AKAP7: variants seen among roughly 807,000 people sequenced by gnomAD.
AKAP7 encodes A kinase (PRKA) anchor protein 7.
AKAP7 carries 39 observed loss-of-function variants against 39.5 expected under a neutral mutation model. The observed-to-expected ratio is 0.99, with a 90% CI of 0.76 to 1.29. The LOEUF is 1.29. Ranked by LOEUF, AKAP7 falls within the 50% of genes most tolerant of loss-of-function variation. The pLI is 0.00. For synonymous variants in AKAP7, 140 were observed against 139.1 expected (o/e 1.01, Z -0.05); for missense variants, 414 against 407.7 (o/e 1.02, Z -0.13).
In AKAP7 at chr6:131,165,237, T is replaced by G. The variant is rs1419884802; in HGVS notation, c.428+20T>G. The G allele has an allele frequency of 1.3e-6, 2 of 1,568,320 alleles. No homozygotes were observed. The highest frequency in any genetic ancestry group is 1.2e-5 in the South Asian group (1 of 84,580). ...AAACATGTGAGTAATGTATCTTTCT[T>G]AAATATAATTTTCCAAATTATTACT... On this transcript the variant is annotated intron_variant, in intron 4 of 7. Coordinates refer to ENST00000431975, the MANE Select transcript of AKAP7 (RefSeq NM_016377.4).
chr6:131,188,237 C>CGT (rs1554208106), intron 5 of AKAP7, among the ~76,000 whole-genome samples: 1 of 151,952 alleles, frequency 6.6e-6, no homozygotes, highest in Non-Finnish European at 1.5e-5. Flanking sequence ...TATATTGAAA[C>CGT]ATAGTTCAAG....
At position 131,209,293 on chromosome 6, in the gene AKAP7, C is replaced by T. The variant is rs149300537; in HGVS notation, c.702+9720C>T. ...TGAGATGGAGTCTCGCTCTGACTCC[C>T]AGGCTGGAGTGCAGTGGTGCGATCT... On this transcript the variant is annotated intron_variant, in intron 6 of 7. Transcript: ENST00000431975. Among the ~76,000 whole-genome samples the T allele has an allele frequency of 1.7e-4, 26 of 152,196 alleles. No individual in the cohort carries two copies. In the East Asian group the frequency reaches 5.0e-3, roughly 29 times the overall value.
At chr6:131,156,966 G>C (rs747735080) in intron 2 of AKAP7, among the ~76,000 whole-genome samples, 1 of 151,900 alleles carries the variant, frequency 6.6e-6, no homozygotes, top group Non-Finnish European at 1.5e-5. Flanking sequence ...TAGTAGAGAC[G>C]GGGTTTCACC....
intron 1 of AKAP7, among the ~76,000 whole-genome samples, chr6:131,138,499 G>A (rs1179640228): frequency 6.6e-6 from 1 of 152,212 alleles, no homozygotes; most frequent in Admixed American, 6.5e-5. Context: ...GAGCATGGAT[G>A]ATAGATAACC....
chr6:131,222,451 C>G lies in AKAP7; in HGVS notation c.850+2643C>G, dbSNP rs1210667078. Among the ~76,000 whole-genome samples the G allele has an allele frequency of 2.0e-5, 3 of 151,790 alleles. No individual in the cohort carries two copies. The East Asian group carries it at 5.8e-4, about 29-fold the overall frequency. On this transcript the variant is annotated intron_variant, in intron 7 of 7. Transcript: ENST00000431975. Reference sequence around the variant, plus strand: ...CTGAGGCAGGAGAATGGTGTGAATCCAGGAGGCGGAGCTTGCAGTGAGCCG... The same window carrying G: ...CTGAGGCAGGAGAATGGTGTGAATCGAGGAGGCGGAGCTTGCAGTGAGCCG...
intron 5 of AKAP7, among the ~76,000 whole-genome samples, chr6:131,177,056 ATCTC>A (rs989502001): frequency 2.6e-5 from 4 of 151,768 alleles, no homozygotes; most frequent in Admixed American, 6.6e-5. Flanking sequence ...CTCCTTTCTC[ATCTC>A]TCTCTTAATC....
At chr6:131,173,660 C>G (rs1051494273) in intron 5 of AKAP7, among the ~76,000 whole-genome samples, 1 of 152,186 alleles carries the variant, frequency 6.6e-6, no homozygotes, top group Non-Finnish European at 1.5e-5. Context: ...GGCAAATCAT[C>G]TGGGACCAAT....
chr6:131,152,102 C>A (rs1409543448), intron 2 of AKAP7, among the ~76,000 whole-genome samples: 2 of 152,202 alleles, frequency 1.3e-5, no homozygotes, highest in African/African-American at 4.8e-5. Flanking sequence ...AGACCAGATT[C>A]ATTACTACAC....
chr6:131,196,664 GT>G (rs1365793848), intron 5 of AKAP7, among the ~76,000 whole-genome samples: 42 of 152,110 alleles, frequency 2.8e-4, no homozygotes, highest in African/African-American at 9.9e-4. Context: ...CTATGTTCCA[GT>G]TTTCTTGTCT....
Position 131,282,764 on chromosome 6 carries a change from G to T in AKAP7, c.*1038G>T. The T allele has an allele frequency of 1.9e-6, 1 of 536,286 alleles. No individual in the cohort carries two copies. The highest frequency in any genetic ancestry group is 3.1e-6 in the Non-Finnish European group (1 of 318,474). 33.2% of individuals were successfully genotyped at this position (536,286 alleles called of 1,614,324 possible). On this transcript the variant is annotated 3_prime_UTR_variant, in exon 8 of 8. Coordinates refer to ENST00000431975, the MANE Select transcript of AKAP7 (RefSeq NM_016377.4). ...TTTCTTGCCAAAGAAAATTGATTCT[G>T]CCCAATTATTTTTTGAGCTACACTT...
At chr6:131,238,021 C>A (rs1811219221) in intron 7 of AKAP7, among the ~76,000 whole-genome samples, 1 of 152,086 alleles carries the variant, frequency 6.6e-6, no homozygotes, top group Admixed American at 6.6e-5. Context: ...TAGATCTTTC[C>A]TACTTTCTCT....
chr6:131,208,958 G>T (rs979999623), intron 6 of AKAP7, among the ~76,000 whole-genome samples: 1 of 152,172 alleles, frequency 6.6e-6, no homozygotes, highest in Admixed American at 6.5e-5. Context: ...AAGTCACATG[G>T]TTCCTTCTGA....
chr6:131,146,649 A>G (rs1428184166), intron 2 of AKAP7, among the ~76,000 whole-genome samples: 1 of 152,210 alleles, frequency 6.6e-6, no homozygotes, highest in Non-Finnish European at 1.5e-5. Flanking sequence ...AACTGTTTGC[A>G]ACCTTACGTA....
intron 7 of AKAP7, among the ~76,000 whole-genome samples, chr6:131,247,286 T>C (rs1215783039): frequency 1.6e-5 from 1 of 62,422 alleles, no homozygotes; most frequent in African/African-American, 6.3e-5. Flanking sequence ...TATATATATA[T>C]ATATATATAT....
intron 7 of AKAP7, among the ~76,000 whole-genome samples, chr6:131,245,439 GT>G (rs889567020): frequency 2.3e-4 from 33 of 141,702 alleles, no homozygotes; most frequent in African/African-American, 2.3e-4. Context: ...TTTGTTTTTG[GT>G]TTTTTTTTTT....
At position 131,193,322 on chromosome 6, in the gene AKAP7, A is replaced by G. The variant is rs144133806; in HGVS notation, c.590-6139A>G. Among the ~76,000 whole-genome samples, 8 of 152,310 alleles carry G rather than the reference A, an allele frequency of 5.3e-5. No homozygotes were observed. The East Asian group carries it at 1.2e-3, about 22-fold the overall frequency. ...GTTATCAGATGCTTTTTCAGAATCA[A>G]TTGAAATGATCATATGGTTTTTGTT... On this transcript the variant is annotated intron_variant, in intron 5 of 7. Transcript: ENST00000431975.
rs1813206937 is a variant in AKAP7 at position 131,260,275 on chromosome 6, G to GTATC, written c.851-21253_851-21250dup. On this transcript the variant is annotated intron_variant, in intron 7 of 7. Transcript: ENST00000431975. The stretch of plus-strand genomic sequence containing the variant: ...TGCTGCAATAAACATACGTGTGCGT[G>GTATC]TATCTTTATAATAGAATGATTTATA... Among the ~76,000 whole-genome samples the GTATC allele has an allele frequency of 2.0e-5, 3 of 152,152 alleles. No homozygotes were observed. In the South Asian group the frequency reaches 6.2e-4, roughly 32 times the overall value.
intron 7 of AKAP7, among the ~76,000 whole-genome samples, chr6:131,272,375 A>G (rs1222287956): frequency 1.3e-5 from 2 of 151,578 alleles, no homozygotes; most frequent in East Asian, 3.9e-4. Flanking sequence ...TCATTCTCCT[A>G]CTATTTTTAT....
At chr6:131,163,549 A>G (rs1215180909) in intron 3 of AKAP7, among the ~76,000 whole-genome samples, 2 of 152,192 alleles carry the variant, frequency 1.3e-5, no homozygotes, top group African/African-American at 4.8e-5. Flanking sequence ...ACGTGTTGGC[A>G]TCTAGTTTTA....
Sources: allele counts gnomAD v4.1 joint callset (sites outside exome capture counted in the v4.1 genomes callset), GRCh38; gene constraint gnomAD v4.1.1; transcripts MANE v1.5; gene names NCBI Gene and HGNC (gene_info 2026-07-23, HGNC 2026-07-21).